Variants in DHRS3 observed in about 807,000 individuals in gnomAD.
DHRS3 encodes dehydrogenase/reductase 3.
In DHRS3, 14 loss-of-function variants were observed where a neutral mutation model predicts 27.2. The observed-to-expected ratio is 0.52, with a 90% CI of 0.34 to 0.81. The LOEUF (loss-of-function observed/expected upper bound fraction) is 0.81. DHRS3 is among the 30% of genes least tolerant of loss of function. The probability of loss-of-function intolerance (pLI) is 0.01; values close to 1 mark genes in which losing one functional copy is unlikely to be tolerated. For synonymous variants in DHRS3, 165 were observed against 175.9 expected, an observed-to-expected ratio of 0.94 and a Z score of 0.49; for missense variants, 322 against 406.2, an observed-to-expected ratio of 0.79 and a Z score of 1.78.
Position 12,594,527 on chromosome 1 carries a change from T to C in DHRS3, c.196-13861A>G, listed in dbSNP as rs77048373. On this transcript the variant is annotated intron_variant, in intron 1 of 5. Coordinates refer to ENST00000616661, the MANE Select transcript of DHRS3 (RefSeq NM_004753.7). This position sits in a 1 kb window ranked among gnomAD's most constrained non-coding sequence, Gnocchi z 4.1. ...TGTAGGGGGTTGGAGGGAGTGATTA[T>C]GGGGTGGGAGTGGTATTCAGATGGT... is the stretch of plus-strand genomic sequence containing the variant. 0.038 allele frequency among the ~76,000 whole-genome samples: 5,776 copies of C among 151,952 alleles called. 343 individuals are homozygous for C. Among genetic ancestry groups the C allele is most frequent in the African/African-American group, 0.12 (5,140 of 41,414 alleles).
At position 12,605,494 on chromosome 1, in the gene DHRS3, T is replaced by C. The variant is rs918086574; in HGVS notation, c.195+11660A>G. On this transcript the variant is annotated intron_variant, in intron 1 of 5. Transcript: ENST00000616661. Reference sequence around the variant, plus strand: ...ATTCCCATGTATATTAACAGTACCATGTATAGTAATAGTGCCATGTATATT... The same window carrying C: ...ATTCCCATGTATATTAACAGTACCACGTATAGTAATAGTGCCATGTATATT... Among the ~76,000 whole-genome samples the C allele has an allele frequency of 2.0e-5, 3 of 152,206 alleles. No individual in the cohort carries two copies. The South Asian group carries it at 6.2e-4, about 32-fold the overall frequency.
chr1:12,614,129 GT>G (rs1343648027), intron 1 of DHRS3, among the ~76,000 whole-genome samples: 1 of 152,106 alleles, frequency 6.6e-6, no homozygotes, highest in Non-Finnish European at 1.5e-5. Flanking sequence ...ACCTCCCAAG[GT>G]TTGCAATCAT....
intron 1 of DHRS3, among the ~76,000 whole-genome samples, chr1:12,616,182 C>T (rs1646943184): frequency 6.6e-6 from 1 of 152,230 alleles, no homozygotes; most frequent in African/African-American, 2.4e-5. Flanking sequence ...CTTTGCGGCC[C>T]TTTCACCCCC....
chr1:12,614,669 G>C (rs1646932370), intron 1 of DHRS3, among the ~76,000 whole-genome samples: 2 of 150,262 alleles, frequency 1.3e-5, no homozygotes, highest in Admixed American at 1.3e-4. Flanking sequence ...ATAACTCCTG[G>C]ACACGTCAGC....
intron 1 of DHRS3, among the ~76,000 whole-genome samples, chr1:12,601,854 G>A (rs923344848): frequency 1.3e-5 from 2 of 152,210 alleles, no homozygotes; most frequent in African/African-American, 4.8e-5. Flanking sequence ...GTTACTTCGA[G>A]TAGTAAATGA....
chr1:12,605,781 C>T (rs1646866369), intron 1 of DHRS3, among the ~76,000 whole-genome samples: 1 of 152,110 alleles, frequency 6.6e-6, no homozygotes, highest in Admixed American at 6.6e-5. Context: ...GTGAAGCTTG[C>T]TTAGATGGAA....
chr1:12,607,985 C>A (rs1440085702), intron 1 of DHRS3, among the ~76,000 whole-genome samples: 1 of 152,160 alleles, frequency 6.6e-6, no homozygotes, highest in East Asian at 1.9e-4. Context: ...TCAAGTGATT[C>A]TCCTGCCTCA....
intron 1 of DHRS3, chr1:12,600,252 T>G (rs1455440049): frequency 1.7e-6 from 1 of 598,852 alleles, no homozygotes; most frequent in Non-Finnish European, 2.1e-6. Context: ...CACACAAACA[T>G]TTCCACTGAC....
chr1:12,607,624 G>A (rs895445282), intron 1 of DHRS3, among the ~76,000 whole-genome samples: 7 of 152,038 alleles, frequency 4.6e-5, no homozygotes, highest in African/African-American at 1.2e-4. Flanking sequence ...AAATTACTCA[G>A]TCTCTAATAT....
rs2100720997 is a variant in DHRS3, at chr1:12,608,646, G to A, written c.195+8508C>T. 6.6e-6 allele frequency among the ~76,000 whole-genome samples: 1 copy of A among 152,044 alleles called. No homozygotes were observed. Among genetic ancestry groups the A allele is most frequent in the East Asian group, 1.9e-4 (1 of 5,188 alleles). ...AGAATCAAAGGGTAGAAGGGACCTA[G>A]GAGGTTGTCCAGAACCTAACCTCCC... On this transcript the variant is annotated intron_variant, in intron 1 of 5. Coordinates refer to ENST00000616661, the MANE Select transcript of DHRS3 (RefSeq NM_004753.7). The surrounding 1 kb of genome is among the most constrained non-coding windows in gnomAD (Gnocchi z 4.1).
rs1279676756 is a variant in DHRS3, at chr1:12,593,154, C to G, written c.196-12488G>C. Among the ~76,000 whole-genome samples the G allele has an allele frequency of 6.6e-6, 1 of 152,168 alleles. No homozygotes were observed. Among genetic ancestry groups the G allele is most frequent in the Non-Finnish European group, 1.5e-5 (1 of 68,020 alleles). On this transcript the variant is annotated intron_variant, in intron 1 of 5. Transcript: ENST00000616661. The surrounding 1 kb of genome is among the most constrained non-coding windows in gnomAD (Gnocchi z 4.6). ...CCCTGCTTATGACTACTGATGGCTG[C>G]CCATCTCACAGACTGGAATCTAGTG...
chr1:12,577,551 G>T (rs565246928), intron 4 of DHRS3, among the ~76,000 whole-genome samples: 3 of 152,188 alleles, frequency 2.0e-5, no homozygotes, highest in African/African-American at 7.2e-5. Flanking sequence ...ACGGCCAGGC[G>T]TGGTGGCTCA....
rs796628112 is a variant in DHRS3 at position 12,593,655 on chromosome 1, C to A, written c.196-12989G>T. Among the ~76,000 whole-genome samples the A allele has an allele frequency of 8.5e-5, 13 of 152,290 alleles. No individual in the cohort carries two copies. Among genetic ancestry groups the A allele is most frequent in the African/African-American group, 2.9e-4 (12 of 41,552 alleles). Reference sequence around the variant, plus strand: ...AGTTGCTGAGACAGGCATGTCTCCCCCTGTGATGAGCACCTAGTGTTCCTG... The same window carrying A: ...AGTTGCTGAGACAGGCATGTCTCCCACTGTGATGAGCACCTAGTGTTCCTG... On this transcript the variant is annotated intron_variant, in intron 1 of 5. Coordinates refer to ENST00000616661, the MANE Select transcript of DHRS3 (RefSeq NM_004753.7). This position sits in a 1 kb window ranked among gnomAD's most constrained non-coding sequence, Gnocchi z 4.6.
Position 12,578,619 on chromosome 1 carries a change from C to T in DHRS3, c.698+99G>A, listed in dbSNP as rs187816361. 8.9e-4 allele frequency: 1,148 copies of T among 1,285,976 alleles called. 5 individuals are homozygous for T. The highest frequency in any genetic ancestry group is 8.5e-3 in the African/African-American group (584 of 68,462). The allele number at this position is 1,285,976 out of a possible 1,614,324, so 79.7% of individuals were successfully genotyped here. A position where few individuals can be genotyped will look rare whatever the true frequency, so the allele number is the denominator to read the frequency against. On this transcript the variant is annotated intron_variant, in intron 4 of 5. Transcript: ENST00000616661. This position sits in a 1 kb window ranked among gnomAD's most constrained non-coding sequence, Gnocchi z 4.5. The stretch of plus-strand genomic sequence containing the variant: ...TAGGTATGAGGCACCGTGCCTAGCC[C>T]GATTTTTATATCAGAGCTCTTTCTG...
rs1347547578 is a variant in DHRS3, at chr1:12,586,375, C to A, written c.196-5709G>T. On this transcript the variant is annotated intron_variant, in intron 1 of 5. Transcript: ENST00000616661. The surrounding 1 kb of genome is among the most constrained non-coding windows in gnomAD (Gnocchi z 5.0). ...GTCTGAGCTTTGAGGGTTCCACTCT[C>A]CTCACATGCAACCCCACGCCCCGCG... Among the ~76,000 whole-genome samples, 2 of 152,248 alleles carry A rather than the reference C, an allele frequency of 1.3e-5. No individual in the cohort carries two copies. Among genetic ancestry groups the A allele is most frequent in the African/African-American group, 4.8e-5 (2 of 41,460 alleles).
chr1:12,571,601 G>A (rs542825820), intron 5 of DHRS3, among the ~76,000 whole-genome samples: 6 of 150,324 alleles, frequency 4.0e-5, no homozygotes, highest in Non-Finnish European at 8.9e-5. Context: ...TGCGATCTCG[G>A]CTCACCTCAA....
intron 1 of DHRS3, among the ~76,000 whole-genome samples, chr1:12,610,002 G>GC (rs1390677826): frequency 6.6e-6 from 1 of 151,946 alleles, no homozygotes; most frequent in Non-Finnish European, 1.5e-5. Context: ...AGAATCTCAG[G>GC]CCCTCGCATT....
At chr1:12,582,677 T>A (rs1020447444) in intron 1 of DHRS3, among the ~76,000 whole-genome samples, 5 of 152,076 alleles carry the variant, frequency 3.3e-5, no homozygotes, top group African/African-American at 1.2e-4. Flanking sequence ...CCCCCCGCCT[T>A]GCCTTGCAGC....
intron 5 of DHRS3, among the ~76,000 whole-genome samples, chr1:12,570,798 G>A (rs529198140): frequency 2.1e-4 from 32 of 152,184 alleles, no homozygotes; most frequent in Non-Finnish European, 3.8e-4. Flanking sequence ...TCTCAGACCC[G>A]AGGTCAGGAT....
Sources: gnomAD v4.1 joint callset for allele counts (sites outside exome capture counted in the v4.1 genomes callset) on GRCh38, gnomAD v4.1.1 for gene constraint, Gnocchi (gnomAD v3.1) non-coding constraint, MANE v1.5 for transcripts, NCBI Gene and HGNC (gene_info 2026-07-23, HGNC 2026-07-21) for gene names.